The following HPCAL4 variants were observed in gnomAD, a reference collection of about 807,000 sequenced individuals.
HPCAL4 encodes the protein hippocalcin-like protein 4.
In HPCAL4, 16 loss-of-function variants were observed where a neutral mutation model predicts 18.2. The ratio of observed to expected loss-of-function variants is 0.88; its 90% CI spans 0.59 to 1.33. The LOEUF (loss-of-function observed/expected upper bound fraction) is 1.33. Ranked by LOEUF, HPCAL4 falls within the 40% of genes most tolerant of loss-of-function variation. The probability of loss-of-function intolerance (pLI) is 0.00; values close to 1 mark genes in which losing one functional copy is unlikely to be tolerated. For missense variants in HPCAL4, 214 were observed against 256.6 expected (o/e 0.83, Z 1.14); for synonymous variants, 80 against 97.5 (o/e 0.82, Z 1.06).
At chr1:39,691,127 T>C in intron 1 of HPCAL4, 179 bp downstream of exon 1, 1 of 152,180 alleles carries the variant, frequency 6.6e-6, no homozygotes, top group Non-Finnish European at 1.5e-5. Flanking sequence ...TGGACTGAGG[T>C]GGGGGGTCTC....
Position 39,682,092 on chromosome 1 carries a change from G to A in HPCAL4, c.*444C>T. 1 of 190,422 alleles carries A rather than the reference G, an allele frequency of 5.3e-6. No individual in the cohort carries two copies. The highest frequency in any genetic ancestry group is 1.1e-5 in the Non-Finnish European group (1 of 91,248). The allele number at this position is 190,422 out of a possible 1,614,324, so 11.8% of individuals were successfully genotyped here. A position where few individuals can be genotyped will look rare whatever the true frequency, so the allele number is the denominator to read the frequency against. ...GCTGGAAGGGCCAGGTAGAGTAGAAGGGATGGGGAAGAGACCCCCTTTATG... is the reference window on the plus strand; with the variant it reads ...GCTGGAAGGGCCAGGTAGAGTAGAAAGGATGGGGAAGAGACCCCCTTTATG... On this transcript the variant is annotated 3_prime_UTR_variant, in exon 4 of 4. Coordinates refer to ENST00000372844, the MANE Select transcript of HPCAL4 (RefSeq NM_016257.4).
chr1:39,684,730 C>G, intron 1 of HPCAL4, 119 bp from the exon 2 acceptor site: 1 of 797,862 alleles, frequency 1.3e-6, no homozygotes. Flanking sequence ...TCATGACACT[C>G]CCCCATAATG....
At position 39,680,672 on chromosome 1, in the gene HPCAL4, T is replaced by TGGC. The variant is rs1646617066; in HGVS notation, c.*1861_*1863dup. ...ATGTGAACTCCCCAGCCTCACCATA[T>TGGC]GGCTGGTCATGAGCAAGAGGATAGC... On this transcript the variant is annotated 3_prime_UTR_variant, in exon 4 of 4. Coordinates refer to ENST00000372844, the MANE Select transcript of HPCAL4 (RefSeq NM_016257.4). The TGGC allele has an allele frequency of 6.6e-6, 1 of 152,164 alleles. No homozygotes were observed. The highest frequency in any genetic ancestry group is 2.1e-4 in the South Asian group (1 of 4,830). The allele number at this position is 152,164 out of a possible 1,614,324, so 9.4% of individuals were successfully genotyped here.
chr1:39,687,141 T>A (rs1041295112), intron 1 of HPCAL4, among the ~76,000 whole-genome samples: 1 of 152,142 alleles, frequency 6.6e-6, no homozygotes, highest in Non-Finnish European at 1.5e-5. Flanking sequence ...GGTAGCAACA[T>A]CCTTCCCCAC....
chr1:39,686,518 G>T (rs1646676869), intron 1 of HPCAL4, among the ~76,000 whole-genome samples: 1 of 152,184 alleles, frequency 6.6e-6, no homozygotes, highest in African/African-American at 2.4e-5. Context: ...GTTAAGAAGG[G>T]CACTGGCAGG....
At chr1:39,689,226 G>A (rs536003) in intron 1 of HPCAL4, among the ~76,000 whole-genome samples, 45,485 of 151,872 alleles carry the variant, frequency 0.3, 7,897 homozygotes, top group East Asian at 0.77. Flanking sequence ...ACTGAGTCTG[G>A]GACCCATGAG....
chr1:39,691,215 T>C (rs1052290951), intron 1 of HPCAL4, 91 bp downstream of exon 1: 2 of 150,872 alleles, frequency 1.3e-5, no homozygotes, highest in Non-Finnish European at 2.9e-5. Context: ...GGGCAGGACA[T>C]GAGGATGGGA....
Position 39,682,413 on chromosome 1 carries a change from G to A in HPCAL4, c.*123C>T, listed in dbSNP as rs1166048756. Reference sequence around the variant, plus strand: ...GGAGGGGAGGAAGGGCTTGGGCAGAGGACTGGGTGGGCCAGAGAGGGGGGC... The same window carrying A: ...GGAGGGGAGGAAGGGCTTGGGCAGAAGACTGGGTGGGCCAGAGAGGGGGGC... On this transcript the variant is annotated 3_prime_UTR_variant, in exon 4 of 4. Transcript: ENST00000372844. 1.2e-6 allele frequency: 1 copy of A among 828,216 alleles called. No individual in the cohort carries two copies. The highest frequency in any genetic ancestry group is 2.0e-6 in the Non-Finnish European group (1 of 511,074). The allele number at this position is 828,216 out of a possible 1,614,324, so 51.3% of individuals were successfully genotyped here.
chr1:39,683,970 G>T lies in HPCAL4; in HGVS notation c.345C>A (p.Arg115=), dbSNP rs784634. 1,300,776 of 1,613,640 alleles carry T rather than the reference G, an allele frequency of 0.81. 525,286 individuals carry two copies. Among genetic ancestry groups the T allele is most frequent in the Middle Eastern group, 0.9 (5,433 of 6,060 alleles). ...TCTCCAGCATCTCCAGGCGCGTGAT[G>T]CGCCCGTCGCCGTCCAGGTCGTACA... ...FEMYDLDGDG[R]ITRLEMLEII... Residue 115 remains arginine, a synonymous_variant, in exon 3 of 4, where the codon CGC becomes CGA. Transcript: ENST00000372844.
intron 1 of HPCAL4, among the ~76,000 whole-genome samples, chr1:39,687,230 G>A (rs1312238357): frequency 6.6e-6 from 1 of 152,226 alleles, no homozygotes; most frequent in Non-Finnish European, 1.5e-5. Context: ...CCTGAGGCTG[G>A]GCGGAAAATG....
intron 3 of HPCAL4, 141 bp downstream of exon 3, chr1:39,683,796 G>A: frequency 1.4e-6 from 1 of 726,376 alleles, no homozygotes; most frequent in African/African-American, 1.7e-5. Context: ...TTTAGCCCGG[G>A]CCTGTAGCGG....
chr1:39,689,164 TA>T (rs1310261018), intron 1 of HPCAL4, among the ~76,000 whole-genome samples: 3 of 152,066 alleles, frequency 2.0e-5, no homozygotes, highest in Non-Finnish European at 4.4e-5. Flanking sequence ...ATGGGGAAAA[TA>T]AAAGTGCTTT....
At chr1:39,684,685 G>C in intron 1 of HPCAL4, 74 bp from the exon 2 acceptor site, 1 of 1,329,954 alleles carries the variant, frequency 7.5e-7, no homozygotes. Flanking sequence ...CCCCTCCCCT[G>C]CCACACACAG....
chr1:39,684,757 C>T (rs1229146259), intron 1 of HPCAL4, 146 bp from the exon 2 acceptor site: 2 of 642,996 alleles, frequency 3.1e-6, no homozygotes, highest in Admixed American at 3.4e-5. Context: ...CCTCTCCCCT[C>T]ACAACACCTG....
intron 1 of HPCAL4, 96 bp from the exon 2 acceptor site, chr1:39,684,707 AG>A: frequency 5.5e-6 from 6 of 1,091,896 alleles, no homozygotes; most frequent in Non-Finnish European, 7.5e-6. Context: ...GCGGGGTTGC[AG>A]GTTCCTTCCC....
At chr1:39,686,551 G>A (rs1489912239) in intron 1 of HPCAL4, among the ~76,000 whole-genome samples, 1 of 152,154 alleles carries the variant, frequency 6.6e-6, no homozygotes, top group African/African-American at 2.4e-5. Context: ...ATTGGATGTG[G>A]GAGTAAGAGG....
intron 3 of HPCAL4, 115 bp downstream of exon 3, chr1:39,683,822 G>A (rs1360957225): frequency 6.8e-6 from 6 of 883,058 alleles, no homozygotes; most frequent in Non-Finnish European, 1.1e-5. Flanking sequence ...TAGGAGGCGG[G>A]ATCGCAGGCT....
chr1:39,683,787 T>G (rs1646647088), intron 3 of HPCAL4, 150 bp downstream of exon 3: 1 of 698,550 alleles, frequency 1.4e-6, no homozygotes, highest in Non-Finnish European at 2.4e-6. Flanking sequence ...GGTAAAGCAT[T>G]TAGCCCGGGC....
chr1:39,689,044 G>GA (rs1223095416), intron 1 of HPCAL4, among the ~76,000 whole-genome samples: 4 of 152,082 alleles, frequency 2.6e-5, no homozygotes, highest in Admixed American at 6.5e-5. Flanking sequence ...GCCTGAGTCA[G>GA]AAAAAAAATC....
Sources: gnomAD v4.1 joint callset for allele counts (sites outside exome capture counted in the v4.1 genomes callset) on GRCh38, gnomAD v4.1.1 for gene constraint, MANE v1.5 for transcripts, NCBI Gene and HGNC (gene_info 2026-07-23, HGNC 2026-07-21) for gene names.